Variants in LOC122539214 observed in about 807,000 individuals in gnomAD.
the LOC122539214 span, among the ~76,000 whole-genome samples, chr19:52,663,437 C>T: frequency 1.5e-4 from 23 of 152,288 alleles, no homozygotes; most frequent in African/African-American, 5.3e-4. Context: ...TAAGTCAATC[C>T]AGCCCATCCT....
At chr19:52,686,526 CACA>C in the LOC122539214 span, among the ~76,000 whole-genome samples, 4 of 150,246 alleles carry the variant, frequency 2.7e-5, no homozygotes, top group Admixed American at 6.6e-5. Context: ...AAATCTATTA[CACA>C]ACAAGAACAA....
chr19:52,678,144 T>C, the LOC122539214 span, among the ~76,000 whole-genome samples: 9 of 151,928 alleles, frequency 5.9e-5, no homozygotes, highest in Middle Eastern at 3.4e-3. Context: ...CTAACTAAAA[T>C]GGTTGCATAT....
chr19:52,677,712 T>G, the LOC122539214 span, among the ~76,000 whole-genome samples: 1 of 139,488 alleles, frequency 7.2e-6, no homozygotes, highest in African/African-American at 2.7e-5. Flanking sequence ...GAATGATCCC[T>G]AGCTGAGTAG....
At chr19:52,674,790 A>C in the LOC122539214 span, among the ~76,000 whole-genome samples, 1 of 152,242 alleles carries the variant, frequency 6.6e-6, no homozygotes, top group African/African-American at 2.4e-5. Flanking sequence ...CAATATTGAT[A>C]GATTGGAAAA....
At chr19:52,652,803 G>T in the LOC122539214 span, 1 of 885,002 alleles carries the variant, frequency 1.1e-6, no homozygotes. Flanking sequence ...CACACTCATT[G>T]CACTTATAAG....
At chr19:52,652,966 T>G in the LOC122539214 span, 1 of 1,301,568 alleles carries the variant, frequency 7.7e-7, no homozygotes, top group East Asian at 2.4e-5. Context: ...CTTGCCACAC[T>G]CATTACACCT....
At chr19:52,677,626 C>A in the LOC122539214 span, among the ~76,000 whole-genome samples, 7 of 152,066 alleles carry the variant, frequency 4.6e-5, no homozygotes, top group African/African-American at 1.7e-4. Context: ...TTGTAGATTG[C>A]AGAATTGTGT....
the LOC122539214 span, among the ~76,000 whole-genome samples, chr19:52,685,178 T>A: frequency 6.6e-6 from 1 of 152,272 alleles, no homozygotes; most frequent in East Asian, 1.9e-4. Context: ...ATTTTGCCAA[T>A]CATTTCAGGG....
the LOC122539214 span, among the ~76,000 whole-genome samples, chr19:52,668,782 T>C: frequency 6.6e-6 from 1 of 152,194 alleles, no homozygotes; most frequent in Non-Finnish European, 1.5e-5. Flanking sequence ...GAGGCCCAGA[T>C]TGTCCCCTTT....
At chr19:52,678,595 G>T in the LOC122539214 span, among the ~76,000 whole-genome samples, 23 of 152,068 alleles carry the variant, frequency 1.5e-4, 1 homozygote, top group African/African-American at 5.3e-4. Flanking sequence ...GAATAAATGA[G>T]ACATGAAAAG....
At chr19:52,680,353 G>A in the LOC122539214 span, among the ~76,000 whole-genome samples, 1 of 152,092 alleles carries the variant, frequency 6.6e-6, no homozygotes, top group Middle Eastern at 3.2e-3. Flanking sequence ...AAAGCCCTCT[G>A]CGCAGGGTTC....
chr19:52,659,567 T>G, the LOC122539214 span, among the ~76,000 whole-genome samples: 2 of 148,114 alleles, frequency 1.4e-5, no homozygotes, highest in African/African-American at 5.0e-5. Flanking sequence ...CCACAGCTAA[T>G]GCTCTCTTGT....
chr19:52,670,830 A>G, the LOC122539214 span, among the ~76,000 whole-genome samples: 1 of 152,212 alleles, frequency 6.6e-6, no homozygotes, highest in African/African-American at 2.4e-5. Flanking sequence ...GTAAATTTAA[A>G]CATTTTCTGA....
the LOC122539214 span, among the ~76,000 whole-genome samples, chr19:52,653,749 G>A: frequency 6.6e-6 from 1 of 152,196 alleles, no homozygotes; most frequent in Non-Finnish European, 1.5e-5. Context: ...TTTTTCTCCA[G>A]TATGAACTCT....
chr19:52,676,817 G>A, the LOC122539214 span, among the ~76,000 whole-genome samples: 27,822 of 131,494 alleles, frequency 0.21, 3,217 homozygotes, highest in Non-Finnish European at 0.24. Context: ...CTGTTGATCT[G>A]TGACCTTACC....
the LOC122539214 span, among the ~76,000 whole-genome samples, chr19:52,659,133 T>C: frequency 1.3e-5 from 2 of 150,804 alleles, no homozygotes; most frequent in South Asian, 4.2e-4. Flanking sequence ...ATACCTCAGT[T>C]GATGTCCTGT....
the LOC122539214 span, among the ~76,000 whole-genome samples, chr19:52,665,997 A>C: frequency 7.6e-6 from 1 of 130,728 alleles, no homozygotes; most frequent in East Asian, 2.0e-4. Flanking sequence ...TCTCTACTAA[A>C]AATACAAAAA....
the LOC122539214 span, chr19:52,651,298 T>C: frequency 6.6e-6 from 1 of 152,244 alleles, no homozygotes; most frequent in Non-Finnish European, 1.5e-5. Context: ...CACTTTTGAA[T>C]GGGAAGATTC....
the LOC122539214 span, among the ~76,000 whole-genome samples, chr19:52,664,817 G>A: frequency 6.6e-6 from 1 of 152,080 alleles, no homozygotes; most frequent in South Asian, 2.1e-4. Context: ...AGGGGTCAGG[G>A]CCTGAGCTTC....
Sources: allele counts gnomAD v4.1 joint callset (sites outside exome capture counted in the v4.1 genomes callset), GRCh38; gene constraint gnomAD v4.1.1; transcripts MANE v1.5.